Variants in DCAF7 observed in about 807,000 individuals in gnomAD.
DCAF7 encodes the protein DDB1- and CUL4-associated factor 7.
Under a neutral mutation model 41.2 loss-of-function variants are expected in DCAF7, and 4 were observed. That is an observed-to-expected ratio of 0.10 (90% confidence interval 0.05 to 0.22). DCAF7 has a LOEUF of 0.22. Among genes scored for constraint, DCAF7 ranks in the 10% least tolerant of loss-of-function variants. The pLI, the probability that DCAF7 is intolerant of heterozygous loss-of-function variation, is 1.00. For synonymous variants in DCAF7, 143 were observed against 164.2 expected (o/e 0.87, Z 0.99); for missense variants, 131 against 443.2 (o/e 0.30, Z 6.32).
At chr17:63,586,953 T>C (rs2033683317) in intron 6 of DCAF7, among the ~76,000 whole-genome samples, 2 of 152,172 alleles carry the variant, frequency 1.3e-5, no homozygotes, top group African/African-American at 4.8e-5. Flanking sequence ...AGGTAATGTG[T>C]CTCCTTCCAG....
intron 2 of DCAF7, 76 bp downstream of exon 2, chr17:63,578,704 A>G: frequency 6.3e-7 from 1 of 1,594,250 alleles, no homozygotes; most frequent in Non-Finnish European, 8.6e-7. Context: ...AAGTCACAGA[A>G]CAGACAGGGG....
At chr17:63,569,406 G>T (rs977239034) in intron 1 of DCAF7, among the ~76,000 whole-genome samples, 1 of 149,612 alleles carries the variant, frequency 6.7e-6, no homozygotes, top group African/African-American at 2.5e-5. Flanking sequence ...AAAAGCTCAT[G>T]CCCAGACCTA....
chr17:63,561,849 G>T (rs1028373625), intron 1 of DCAF7, among the ~76,000 whole-genome samples: 4 of 151,894 alleles, frequency 2.6e-5, no homozygotes, highest in African/African-American at 9.7e-5. Flanking sequence ...TCAACTGATT[G>T]GAAAAAAAAT....
intron 1 of DCAF7, among the ~76,000 whole-genome samples, chr17:63,575,528 C>T (rs1161891556): frequency 6.6e-6 from 1 of 152,044 alleles, no homozygotes; most frequent in African/African-American, 2.4e-5. Context: ...GGCAAAACCC[C>T]ATCTCTACTA....
At chr17:63,588,541 T>C (rs1366655337) in intron 6 of DCAF7, among the ~76,000 whole-genome samples, 1 of 152,018 alleles carries the variant, frequency 6.6e-6, no homozygotes, top group Non-Finnish European at 1.5e-5. Flanking sequence ...ACTTTATCAG[T>C]CTTCTATATA....
At chr17:63,558,478 A>G (rs1338205420) in intron 1 of DCAF7, among the ~76,000 whole-genome samples, 1 of 152,230 alleles carries the variant, frequency 6.6e-6, no homozygotes, top group African/African-American at 2.4e-5. Context: ...TTGTATAGTA[A>G]AGCTTGGTAT....
intron 1 of DCAF7, among the ~76,000 whole-genome samples, chr17:63,555,637 T>C (rs1041795362): frequency 1.3e-5 from 2 of 152,174 alleles, no homozygotes; most frequent in African/African-American, 2.4e-5. Flanking sequence ...TTGATAGATA[T>C]TTAGAATGTC....
Position 63,550,589 on chromosome 17 carries a change from C to T in DCAF7, c.-89C>T. On this transcript the variant is annotated 5_prime_UTR_variant, in exon 1 of 7. Coordinates refer to ENST00000614556, the MANE Select transcript of DCAF7 (RefSeq NM_005828.5). This position sits in a 1 kb window ranked among gnomAD's most constrained non-coding sequence, Gnocchi z 4.8. The stretch of plus-strand genomic sequence containing the variant: ...CCGTTCCTGCCCGCCCCCTCCTCTC[C>T]TCCCTTCGGACCCATAGATCTCAGG... The T allele has an allele frequency of 6.4e-7, 1 of 1,550,616 alleles. No homozygotes were observed. The highest frequency in any genetic ancestry group is 1.2e-5 in the South Asian group (1 of 86,250).
At chr17:63,565,613 T>C (rs1220086403) in intron 1 of DCAF7, among the ~76,000 whole-genome samples, 1 of 152,010 alleles carries the variant, frequency 6.6e-6, no homozygotes, top group East Asian at 1.9e-4. Flanking sequence ...CTTTGTGATA[T>C]TGGGCAAGAT....
chr17:63,560,475 TA>T (rs1340121692), intron 1 of DCAF7, among the ~76,000 whole-genome samples: 1 of 152,210 alleles, frequency 6.6e-6, no homozygotes, highest in African/African-American at 2.4e-5. Flanking sequence ...CATATACTGA[TA>T]TGGAATATTT....
rs899335405 is a variant in DCAF7, at chr17:63,592,921, T to C, written c.*3749T>C. The C allele has an allele frequency of 6.5e-6, 1 of 152,686 alleles. No homozygotes were observed. The highest frequency in any genetic ancestry group is 1.5e-5 in the Non-Finnish European group (1 of 68,428). 9.5% of individuals were successfully genotyped at this position (152,686 alleles called of 1,614,324 possible). On this transcript the variant is annotated 3_prime_UTR_variant, in exon 7 of 7. Coordinates refer to ENST00000614556, the MANE Select transcript of DCAF7 (RefSeq NM_005828.5). The stretch of plus-strand genomic sequence containing the variant: ...CTTTCCCCCTCCTTTTTCTCTTTTC[T>C]CTTCCCCTTGCTTTTCCACTGTTTC...
Position 63,590,200 on chromosome 17 carries a change from G to T in DCAF7, c.*1028G>T, listed in dbSNP as rs1483129838. On this transcript the variant is annotated 3_prime_UTR_variant, in exon 7 of 7. Transcript: ENST00000614556. ...TGAGTTGAACTTCGGTGCTTCTGTT[G>T]TTTGAGTTTACTGTGCCTGGTGGTA... The T allele has an allele frequency of 6.6e-6, 1 of 152,650 alleles. No individual in the cohort carries two copies. The highest frequency in any genetic ancestry group is 2.4e-5 in the African/African-American group (1 of 41,442). The allele number at this position is 152,650 out of a possible 1,614,324, so 9.5% of individuals were successfully genotyped here.
chr17:63,566,841 G>C (rs2033447646), intron 1 of DCAF7, among the ~76,000 whole-genome samples: 1 of 152,172 alleles, frequency 6.6e-6, no homozygotes, highest in Admixed American at 6.6e-5. Context: ...CTGAGCCTGG[G>C]AGGTCAAGGC....
Position 63,591,786 on chromosome 17 carries a change from T to C in DCAF7, c.*2614T>C, listed in dbSNP as rs1361944018. 4 of 152,304 alleles carry C rather than the reference T, an allele frequency of 2.6e-5. No homozygotes were observed. The highest frequency in any genetic ancestry group is 4.8e-5 in the African/African-American group (2 of 41,462). The allele number at this position is 152,304 out of a possible 1,614,324, so 9.4% of individuals were successfully genotyped here. Reference sequence around the variant, plus strand: ...GACTGGGTGGGAGGCCCTGGATCTGTTCTCCCTGACTGCGGGAGGAGCAGC... The same window carrying C: ...GACTGGGTGGGAGGCCCTGGATCTGCTCTCCCTGACTGCGGGAGGAGCAGC... On this transcript the variant is annotated 3_prime_UTR_variant, in exon 7 of 7. Coordinates refer to ENST00000614556, the MANE Select transcript of DCAF7 (RefSeq NM_005828.5).
chr17:63,589,480 G>C lies in DCAF7; in HGVS notation c.*308G>C, dbSNP rs2033712438. 2.5e-6 allele frequency: 1 copy of C among 399,314 alleles called. No individual in the cohort carries two copies. Among genetic ancestry groups the C allele is most frequent in the Non-Finnish European group, 4.8e-6 (1 of 207,812 alleles). 24.7% of individuals were successfully genotyped at this position (399,314 alleles called of 1,614,324 possible). A position where few individuals can be genotyped will look rare whatever the true frequency, so the allele number is the denominator to read the frequency against. On this transcript the variant is annotated 3_prime_UTR_variant, in exon 7 of 7. Coordinates refer to ENST00000614556, the MANE Select transcript of DCAF7 (RefSeq NM_005828.5). The stretch of plus-strand genomic sequence containing the variant: ...TGTTTGTCAGGCGTTGTGTTGAGGA[G>C]CAGTTCACGCACTGGCTGTGTCTAT...
At chr17:63,554,931 G>A (rs2147756983) in intron 1 of DCAF7, among the ~76,000 whole-genome samples, 1 of 152,256 alleles carries the variant, frequency 6.6e-6, no homozygotes, top group Non-Finnish European at 1.5e-5. Flanking sequence ...ACTCTGGGGG[G>A]AAAATTCCCT....
intron 1 of DCAF7, chr17:63,552,406 A>G (rs532899256): frequency 4.6e-5 from 7 of 152,296 alleles, no homozygotes; most frequent in Admixed American, 1.3e-4. Context: ...ACAATTTACA[A>G]ACAAATCCAA....
At chr17:63,577,345 A>G (rs2033573567) in intron 1 of DCAF7, among the ~76,000 whole-genome samples, 1 of 152,198 alleles carries the variant, frequency 6.6e-6, no homozygotes, top group Admixed American at 6.5e-5. Flanking sequence ...GATGAGTAGA[A>G]GGAATTTTAT....
intron 4 of DCAF7, among the ~76,000 whole-genome samples, chr17:63,580,813 C>T (rs769111907): frequency 1.3e-5 from 2 of 152,076 alleles, no homozygotes; most frequent in East Asian, 1.9e-4. Context: ...TGAGCCACTG[C>T]GCCCGGCCAA....
Sources: gnomAD v4.1 joint callset for allele counts (sites outside exome capture counted in the v4.1 genomes callset) on GRCh38, gnomAD v4.1.1 for gene constraint, Gnocchi (gnomAD v3.1) non-coding constraint, MANE v1.5 for transcripts, NCBI Gene and HGNC (gene_info 2026-07-23, HGNC 2026-07-21) for gene names.